PCDH9: variants seen among roughly 807,000 people sequenced by gnomAD.
PCDH9 encodes protocadherin 9.
A neutral mutation model predicts 70.6 loss-of-function variants in PCDH9; 24 were observed. That is an observed-to-expected ratio of 0.34 (90% CI 0.25 to 0.48). PCDH9 has a LOEUF of 0.48. Ranked by LOEUF, PCDH9 falls within the 20% of genes least tolerant of loss-of-function variation. The probability of loss-of-function intolerance (pLI) is 0.99; values close to 1 mark genes in which losing one functional copy is unlikely to be tolerated. For synonymous variants in PCDH9, 562 were observed against 558.5 expected (o/e 1.01, Z -0.09); for missense variants, 1,281 against 1,503.6 (o/e 0.85, Z 2.45).
chr13:66,763,095 A>G (rs2079654385), intron 3 of PCDH9, among the ~76,000 whole-genome samples: 1 of 151,944 alleles, frequency 6.6e-6, no homozygotes, highest in Non-Finnish European at 1.5e-5. Flanking sequence ...CCTTCCAAGT[A>G]GCTGGAACTA....
intron 3 of PCDH9, among the ~76,000 whole-genome samples, chr13:66,722,967 C>CAAA (rs1210244459): frequency 8.1e-5 from 6 of 73,702 alleles, no homozygotes; most frequent in Admixed American, 1.6e-4. Context: ...GACTGCATCT[C>CAAA]AAAAAAAAAA....
At chr13:66,690,968 T>G (rs1378647992) in intron 3 of PCDH9, among the ~76,000 whole-genome samples, 1 of 152,184 alleles carries the variant, frequency 6.6e-6, no homozygotes, top group Non-Finnish European at 1.5e-5. Context: ...TATGTTAATA[T>G]CCCCTTAAGT....
chr13:66,661,582 A>G (rs951467364), intron 3 of PCDH9, among the ~76,000 whole-genome samples: 1 of 152,204 alleles, frequency 6.6e-6, no homozygotes, highest in Non-Finnish European at 1.5e-5. Context: ...CAATCCTTAG[A>G]CCATAATTTT....
At chr13:67,075,427 G>A (rs2085859239) in intron 2 of PCDH9, among the ~76,000 whole-genome samples, 1 of 152,062 alleles carries the variant, frequency 6.6e-6, no homozygotes, top group South Asian at 2.1e-4. Flanking sequence ...TGCTCACTAG[G>A]TGGGGTACAA....
intron 3 of PCDH9, among the ~76,000 whole-genome samples, chr13:66,845,766 T>C (rs994567345): frequency 1.3e-5 from 2 of 152,162 alleles, no homozygotes; most frequent in African/African-American, 4.8e-5. Flanking sequence ...TTGCCATAGG[T>C]TGTGGAACAA....
intron 2 of PCDH9, among the ~76,000 whole-genome samples, chr13:66,923,906 G>C (rs2082677137): frequency 6.6e-6 from 1 of 151,636 alleles, no homozygotes; most frequent in Non-Finnish European, 1.5e-5. Flanking sequence ...TTTAAATACA[G>C]TACTTATCAT....
intron 4 of PCDH9, among the ~76,000 whole-genome samples, chr13:66,624,867 G>A (rs776208282): frequency 2.0e-4 from 31 of 152,144 alleles, no homozygotes; most frequent in Non-Finnish European, 4.0e-4. Context: ...TAAAATGTGA[G>A]CTCAAGTATT....
intron 2 of PCDH9, among the ~76,000 whole-genome samples, chr13:67,044,366 A>C (rs1232242024): frequency 6.6e-6 from 1 of 152,204 alleles, no homozygotes; most frequent in Non-Finnish European, 1.5e-5. Context: ...AAAAATTCAC[A>C]TCACATTTTG....
rs116640401 is a variant in PCDH9, at chr13:66,502,615, G to A, written c.3340+128595C>T. ...GGATGTGAAGGCTACAGAAGTACAC[G>A]CTACTGAAGAATGTCTAGATAGTGA... On this transcript the variant is annotated intron_variant, in intron 4 of 4. Coordinates refer to ENST00000377865, the MANE Select transcript of PCDH9 (RefSeq NM_203487.3). Among the ~76,000 whole-genome samples the A allele has an allele frequency of 7.8e-3, 1,174 of 149,952 alleles. 11 individuals carry two copies. The highest frequency in any genetic ancestry group is 0.028 in the African/African-American group (1,129 of 40,806).
chr13:66,816,575 G>T (rs2080609275), intron 3 of PCDH9, among the ~76,000 whole-genome samples: 1 of 152,114 alleles, frequency 6.6e-6, no homozygotes, highest in Admixed American at 6.5e-5. Context: ...ACATCCTGAA[G>T]ACAGCAGGAG....
intron 2 of PCDH9, among the ~76,000 whole-genome samples, chr13:66,909,451 T>A (rs141320851): frequency 6.6e-6 from 1 of 151,436 alleles, no homozygotes; most frequent in Admixed American, 6.6e-5. Context: ...AAAAAACATA[T>A]CCTTTTAAAA....
intron 2 of PCDH9, among the ~76,000 whole-genome samples, chr13:67,053,606 A>G (rs260168): frequency 0.79 from 119,977 of 152,072 alleles, 47,537 homozygotes; most frequent in East Asian, 0.97. Flanking sequence ...CTTTATGCTG[A>G]ATTAATCTCC....
chr13:66,727,905 T>G (rs1343336344), intron 3 of PCDH9, among the ~76,000 whole-genome samples: 5 of 152,114 alleles, frequency 3.3e-5, no homozygotes, highest in Non-Finnish European at 7.4e-5. Flanking sequence ...CTAGTAGTAG[T>G]TCACTTCTAA....
At chr13:66,513,591 G>A (rs2138590130) in intron 4 of PCDH9, among the ~76,000 whole-genome samples, 1 of 152,010 alleles carries the variant, frequency 6.6e-6, no homozygotes, top group Admixed American at 6.6e-5. Flanking sequence ...TCTTCCACAG[G>A]TTGGGGTCAT....
chr13:67,009,288 C>T (rs1486425876), intron 2 of PCDH9, among the ~76,000 whole-genome samples: 1 of 152,094 alleles, frequency 6.6e-6, no homozygotes, highest in Non-Finnish European at 1.5e-5. Flanking sequence ...CAGTTGCAAA[C>T]TCCTCTTCCA....
At chr13:66,413,099 A>C (rs1957398219) in intron 4 of PCDH9, among the ~76,000 whole-genome samples, 1 of 152,228 alleles carries the variant, frequency 6.6e-6, no homozygotes. Flanking sequence ...GTCAAAGGCA[A>C]GGAATCTTAC....
chr13:66,427,648 A>G (rs938299475), intron 4 of PCDH9, among the ~76,000 whole-genome samples: 1 of 151,806 alleles, frequency 6.6e-6, no homozygotes, highest in Non-Finnish European at 1.5e-5. Context: ...AACAGAAAAT[A>G]TAAAACTTTT....
At chr13:66,713,169 C>T (rs1389144054) in intron 3 of PCDH9, among the ~76,000 whole-genome samples, 2 of 152,056 alleles carry the variant, frequency 1.3e-5, no homozygotes, top group African/African-American at 2.4e-5. Context: ...AGTTTCTGTG[C>T]TTTCAGAAAG....
chr13:66,386,061 ATT>A (rs1956923900), intron 4 of PCDH9, among the ~76,000 whole-genome samples: 2 of 151,984 alleles, frequency 1.3e-5, no homozygotes, highest in African/African-American at 4.8e-5. Flanking sequence ...TAATACATTA[ATT>A]TAATGGTCCA....
Sources: gnomAD v4.1 joint callset for allele counts (sites outside exome capture counted in the v4.1 genomes callset) on GRCh38, gnomAD v4.1.1 for gene constraint, MANE v1.5 for transcripts, NCBI Gene and HGNC (gene_info 2026-07-23, HGNC 2026-07-21) for gene names.